Variants in PRDM2 observed in about 807,000 individuals in gnomAD.
PRDM2 encodes the protein PR domain zinc finger protein 2.
A neutral mutation model predicts 130.0 loss-of-function variants in PRDM2; 30 were observed. The observed-to-expected ratio is 0.23, with a 90% CI of 0.17 to 0.31. PRDM2 has a LOEUF of 0.31. Among genes scored for constraint, PRDM2 ranks in the 10% least tolerant of loss-of-function variants. The pLI, the probability that PRDM2 is intolerant of heterozygous loss-of-function variation, is 1.00. For missense variants in PRDM2, 2,011 were observed against 2,108.4 expected (o/e 0.95, Z 0.90); for synonymous variants, 871 against 782.4 (o/e 1.11, Z -1.89).
intron 8 of PRDM2, among the ~76,000 whole-genome samples, chr1:13,810,547 T>C (rs929233638): frequency 6.6e-6 from 1 of 151,324 alleles, no homozygotes; most frequent in African/African-American, 2.4e-5. Context: ...CAGGCTGGAG[T>C]GCAGTGGCAC....
Position 13,779,127 on chromosome 1 carries a change from T to A in PRDM2, c.1332T>A (p.Asp444Glu). ...KASGENVASKDDSSPPSLGPD... is the reference protein window; with the variant it reads ...KASGENVASKEDSSPPSLGPD... The stretch of plus-strand genomic sequence containing the variant: ...CTGGAGAAAACGTTGCTTCAAAAGA[T>A]GATTCGAGTCCTCCCAGTCTTGGGC... The change falls in exon 8 of 10, where the codon GAT becomes GAA. Residue 444 changes from aspartate to glutamate, a missense_variant. Physicochemically the swap from Asp to Glu is conservative, Grantham distance 45 (BLOSUM62 2). This residue lies in a region of PRDM2 where 1,288 missense variants were observed against 1,237.7 expected (regional missense o/e 1.04). Transcript: ENST00000311066. This position sits in a 1 kb window ranked among gnomAD's most constrained non-coding sequence, Gnocchi z 4.9. 6.2e-7 allele frequency: 1 copy of A among 1,614,172 alleles called. No individual in the cohort carries two copies. The highest frequency in any genetic ancestry group is 8.5e-7 in the Non-Finnish European group (1 of 1,180,030).
chr1:13,807,024 A>G (rs1347711860), intron 8 of PRDM2, among the ~76,000 whole-genome samples: 1 of 150,004 alleles, frequency 6.7e-6, no homozygotes, highest in Non-Finnish European at 1.5e-5. Context: ...TCTGACCTTC[A>G]CTCCTGTTTC....
At chr1:13,740,906 G>C (rs1396317358) in intron 4 of PRDM2, among the ~76,000 whole-genome samples, 2 of 152,198 alleles carry the variant, frequency 1.3e-5, no homozygotes, top group African/African-American at 2.4e-5. Flanking sequence ...GTTCCAGAAG[G>C]AAAGTTGCAG....
Position 13,823,471 on chromosome 1 carries a change from G to T in PRDM2, c.*336G>T. ...GTTGGGGTGGGGCCTCTCCTACTATGCAATTTTTCAAGAGCTCCTTGACCC... is the reference window on the plus strand; with the variant it reads ...GTTGGGGTGGGGCCTCTCCTACTATTCAATTTTTCAAGAGCTCCTTGACCC... On this transcript the variant is annotated 3_prime_UTR_variant, in exon 10 of 10. Transcript: ENST00000311066. 2.2e-6 allele frequency: 1 copy of T among 459,758 alleles called. No individual in the cohort carries two copies. Among genetic ancestry groups the T allele is most frequent in the South Asian group, 3.1e-5 (1 of 32,268 alleles). 28.5% of individuals were successfully genotyped at this position (459,758 alleles called of 1,614,324 possible).
chr1:13,755,019 G>A (rs1171820801), intron 6 of PRDM2, among the ~76,000 whole-genome samples: 1 of 152,118 alleles, frequency 6.6e-6, no homozygotes, highest in Non-Finnish European at 1.5e-5. Context: ...GTCTCTGGTG[G>A]TTGCCTGCCA....
chr1:13,727,011 G>A lies in PRDM2; in HGVS notation c.10-3989G>A, dbSNP rs146638273. The stretch of plus-strand genomic sequence containing the variant: ...TATTCTGGGTAGACAAGCGAATGGC[G>A]ATGAGTGTTTCTCAGAGACCTTACC... On this transcript the variant is annotated intron_variant, in intron 2 of 9. Transcript: ENST00000311066. 1.1e-4 allele frequency among the ~76,000 whole-genome samples: 16 copies of A among 152,196 alleles called. No homozygotes were observed. The East Asian group carries it at 1.9e-3, about 18-fold the overall frequency.
chr1:13,764,734 G>A (rs148370161), intron 6 of PRDM2, among the ~76,000 whole-genome samples: 222 of 152,334 alleles, frequency 1.5e-3, no homozygotes, highest in African/African-American at 5.0e-3. Flanking sequence ...AATTTATACT[G>A]CAATCTGCAG....
rs1643150934 is a variant in PRDM2 at position 13,732,819 on chromosome 1, T to G, written c.168T>G (p.Phe56Leu). 1.9e-6 allele frequency: 3 copies of G among 1,609,120 alleles called. No homozygotes were observed. The highest frequency in any genetic ancestry group is 1.1e-5 in the South Asian group (1 of 89,854). Residue 56 changes from phenylalanine (F) to leucine (L), a missense_variant, in exon 4 of 10, where the codon TTT becomes TTG. Transcript: ENST00000311066. ...AACCAATTTTAAAAGGCAAAAAATT[T>G]GGGCCATTTGTTGGTGATAAGAAAA... is the stretch of plus-strand genomic sequence containing the variant. ...ATKPILKGKK[F>L]GPFVGDKKKR...
rs184351294 is a variant in PRDM2 at position 13,803,546 on chromosome 1, G to T, written c.5037-12881G>T. Among the ~76,000 whole-genome samples the T allele has an allele frequency of 0.015, 2,255 of 151,910 alleles. 49 individuals carry two copies. The highest frequency in any genetic ancestry group is 0.079 in the South Asian group (383 of 4,824). ...GTGAGCCTAGTCCTGTCTCCTCACT[G>T]CTCCCAAGAACAACCTGGAGTATGA... On this transcript the variant is annotated intron_variant, in intron 8 of 9. Transcript: ENST00000311066. The surrounding 1 kb of genome is among the most constrained non-coding windows in gnomAD (Gnocchi z 6.2).
chr1:13,816,183 C>T (rs979347673), intron 8 of PRDM2, among the ~76,000 whole-genome samples: 3 of 152,162 alleles, frequency 2.0e-5, no homozygotes, highest in South Asian at 4.1e-4. Context: ...TCCTCTTGCC[C>T]GTGCTTCTGC....
intron 2 of PRDM2, among the ~76,000 whole-genome samples, chr1:13,721,663 CA>C (rs779518504): frequency 6.6e-6 from 1 of 150,802 alleles, no homozygotes. Flanking sequence ...TTGTGAAATT[CA>C]AAAAAAAATT....
chr1:13,734,712 A>C (rs1378830619), intron 4 of PRDM2, among the ~76,000 whole-genome samples: 1 of 152,152 alleles, frequency 6.6e-6, no homozygotes, highest in Non-Finnish European at 1.5e-5. Flanking sequence ...TTTGATAAGA[A>C]TCCTAGTTCT....
chr1:13,775,241 A>G (rs1414924944), intron 7 of PRDM2, among the ~76,000 whole-genome samples: 1 of 152,150 alleles, frequency 6.6e-6, no homozygotes, highest in Non-Finnish European at 1.5e-5. Context: ...GTTACTTTGG[A>G]CAGTTTTATA....
In PRDM2 at chr1:13,781,746, C is replaced by T. The variant is rs1171069981; in HGVS notation, c.3951C>T (p.Ala1317=). The part of the protein sequence containing the change: ...HRNPMGIGVT[A]TNFTTHNIPQ... ...ACCCCATGGGGATTGGTGTGACAGC[C>T]ACAAATTTCACTACACACAATATTC... Residue 1317 remains alanine, a synonymous_variant, in exon 8 of 10, where the codon GCC becomes GCT. Transcript: ENST00000311066. This position sits in a 1 kb window ranked among gnomAD's most constrained non-coding sequence, Gnocchi z 6.1. The T allele has an allele frequency of 6.2e-7, 1 of 1,614,194 alleles. No homozygotes were observed. The highest frequency in any genetic ancestry group is 2.2e-5 in the East Asian group (1 of 44,884).
chr1:13,768,498 G>C lies in PRDM2; in HGVS notation c.512-4580G>C, dbSNP rs527897549. 1.2e-3 allele frequency among the ~76,000 whole-genome samples: 177 copies of C among 152,128 alleles called. 3 individuals carry two copies. The South Asian group carries it at 0.036, about 31-fold the overall frequency. On this transcript the variant is annotated intron_variant, in intron 6 of 9. Transcript: ENST00000311066. ...GGGTTCAAGTGATTCTCCTGCCTCA[G>C]CCTCCCAAGTAGCTGGGATTACAGG...
chr1:13,804,015 CAGATCTGGGT>C (rs1645049234), intron 8 of PRDM2, among the ~76,000 whole-genome samples: 1 of 152,140 alleles, frequency 6.6e-6, no homozygotes, highest in Non-Finnish European at 1.5e-5. Flanking sequence ...GCCCTGAAAT[CAGATCTGGGT>C]GTGAATCTTC....
chr1:13,722,261 T>C (rs936218636), intron 2 of PRDM2, among the ~76,000 whole-genome samples: 3 of 152,126 alleles, frequency 2.0e-5, no homozygotes, highest in Non-Finnish European at 2.9e-5. Flanking sequence ...TGCGAGTTGT[T>C]GGGAATGTTT....
intron 6 of PRDM2, among the ~76,000 whole-genome samples, chr1:13,756,157 G>A (rs1643946667): frequency 6.6e-6 from 1 of 151,484 alleles, no homozygotes; most frequent in Admixed American, 6.6e-5. Flanking sequence ...CAGCTACTCC[G>A]GAGGCTGAGG....
chr1:13,792,729 G>A (rs1440380936), intron 8 of PRDM2, among the ~76,000 whole-genome samples: 1 of 152,216 alleles, frequency 6.6e-6, no homozygotes, highest in East Asian at 1.9e-4. Flanking sequence ...GGACCCTCGG[G>A]GTGTAGCTAA....
Sources: gnomAD v4.1 joint callset for allele counts (sites outside exome capture counted in the v4.1 genomes callset) on GRCh38, gnomAD v4.1.1 for gene constraint, gnomAD v4.1.1 regional missense constraint, Gnocchi (gnomAD v3.1) non-coding constraint, MANE v1.5 for transcripts, NCBI Gene and HGNC (gene_info 2026-07-23, HGNC 2026-07-21) for gene names.